Variants in SLC12A6 observed in about 807,000 individuals in gnomAD.
SLC12A6 encodes the protein solute carrier family 12 member 6, also known as K-Cl cotransporter 3.
In SLC12A6, 66 loss-of-function variants were observed where a neutral mutation model predicts 135.3. That is an observed-to-expected ratio of 0.49 (90% CI 0.40 to 0.60). The LOEUF is 0.60. Among genes scored for constraint, SLC12A6 ranks in the 20% least tolerant of loss-of-function variants. SLC12A6 has a pLI of 0.00. For synonymous variants in SLC12A6, 513 were observed against 508.8 expected, an observed-to-expected ratio of 1.01 and a Z score of -0.11; for missense variants, 1,058 against 1,452.3, an observed-to-expected ratio of 0.73 and a Z score of 4.41.
intron 1 of SLC12A6, 191 bp from the exon 2 acceptor site, chr15:34,336,943 T>C (rs1448378155): frequency 1.2e-5 from 6 of 503,510 alleles, no homozygotes; most frequent in Non-Finnish European, 2.1e-5. Flanking sequence ...ACAATGCCAA[T>C]CTTGTGTGAC....
intron 2 of SLC12A6, among the ~76,000 whole-genome samples, chr15:34,282,916 A>G (rs991135457): frequency 2.0e-5 from 3 of 152,226 alleles, no homozygotes; most frequent in Non-Finnish European, 4.4e-5. Context: ...ATAAAACTTC[A>G]TTCGTTCAAC....
Position 34,238,972 on chromosome 15 carries a change from A to G in SLC12A6, c.2625T>C (p.Thr875=). The change falls in exon 20 of 26, where the codon ACT becomes ACC. Residue 875 remains threonine, a synonymous_variant. Coordinates refer to ENST00000354181, the MANE Select transcript of SLC12A6 (RefSeq NM_001365088.1). ...ATGAGAAATGGTTAGTACCAATAAA[A>G]GTCTTCCAAGCGCGGGCATCTTCGC... ...RQSEDARAWK[T]FIGTVRVTTA... is the part of the protein sequence containing the mutation. The G allele has an allele frequency of 1.2e-6, 2 of 1,613,810 alleles. No individual in the cohort carries two copies. Among genetic ancestry groups the G allele is most frequent in the Non-Finnish European group, 1.7e-6 (2 of 1,179,668 alleles).
At chr15:34,279,311 C>T (rs1408148207) in intron 2 of SLC12A6, among the ~76,000 whole-genome samples, 1 of 151,116 alleles carries the variant, frequency 6.6e-6, no homozygotes, top group Non-Finnish European at 1.5e-5. Flanking sequence ...AAGACTCCGT[C>T]TCAAAAAAAC....
chr15:34,301,055 G>A (rs1227437984), intron 2 of SLC12A6, among the ~76,000 whole-genome samples: 1 of 151,848 alleles, frequency 6.6e-6, no homozygotes, highest in Non-Finnish European at 1.5e-5. Context: ...TGCAACCTCC[G>A]CCTCCCAGGT....
intron 2 of SLC12A6, among the ~76,000 whole-genome samples, chr15:34,311,070 T>C (rs1026231263): frequency 1.3e-5 from 2 of 152,194 alleles, no homozygotes; most frequent in African/African-American, 2.4e-5. Context: ...ACTTGTGAGT[T>C]ACTGTTTGGA....
chr15:34,260,778 A>C, intron 4 of SLC12A6, 148 bp downstream of exon 4: 1 of 610,436 alleles, frequency 1.6e-6, no homozygotes, highest in South Asian at 1.8e-5. Context: ...TACACAGACA[A>C]AATTTACTAT....
chr15:34,279,447 T>A (rs992706800), intron 2 of SLC12A6, among the ~76,000 whole-genome samples: 2 of 152,228 alleles, frequency 1.3e-5, no homozygotes, highest in African/African-American at 4.8e-5. Context: ...TTACAATTGT[T>A]CAGTGGATTT....
intron 2 of SLC12A6, among the ~76,000 whole-genome samples, chr15:34,289,507 G>A (rs1485984651): frequency 6.6e-6 from 1 of 152,174 alleles, no homozygotes; most frequent in South Asian, 2.1e-4. Context: ...ATGAGTTATG[G>A]AGGATTCCCT....
rs779846164 is a variant in SLC12A6 at position 34,250,363 on chromosome 15, A to G, written c.1592-8T>C. Reference sequence around the variant, plus strand: ...GGACAACATTGCTTAAATCTACCATATTGAGAGTCAAGGAAACTGTTGTTT... The same window carrying G: ...GGACAACATTGCTTAAATCTACCATGTTGAGAGTCAAGGAAACTGTTGTTT... On this transcript the variant is annotated splice_polypyrimidine_tract_variant and splice_region_variant and intron_variant, in intron 12 of 25. Transcript: ENST00000354181. The G allele has an allele frequency of 1.3e-6, 2 of 1,567,716 alleles. No individual in the cohort carries two copies. The highest frequency in any genetic ancestry group is 1.8e-6 in the Non-Finnish European group (2 of 1,137,490).
intron 2 of SLC12A6, among the ~76,000 whole-genome samples, chr15:34,276,533 G>A (rs1395625601): frequency 6.6e-6 from 1 of 152,146 alleles, no homozygotes; most frequent in Non-Finnish European, 1.5e-5. Context: ...AAAAGACTAA[G>A]CTCCACTTTC....
intron 3 of SLC12A6, among the ~76,000 whole-genome samples, chr15:34,262,018 T>C (rs796396733): frequency 3.3e-5 from 5 of 152,168 alleles, no homozygotes; most frequent in African/African-American, 1.2e-4. Context: ...CAAAGGAAAA[T>C]AAATCATTCT....
In SLC12A6 at chr15:34,254,554, A is replaced by G. The variant is rs928751694; in HGVS notation, c.912T>C (p.Ser304=). Residue 304 remains serine (S), a synonymous_variant, in exon 9 of 26, where the codon AGT becomes AGC. Transcript: ENST00000354181. ...CTGCTGATTCCTTGAGTGCGTCATC[A>G]CTGTGAAAGATGGCAGCTCGGGGGA... ...YIVPRAAIFH[S]DDALKESAAM... is the part of the protein sequence containing the mutation. 1.2e-6 allele frequency: 2 copies of G among 1,609,760 alleles called. No individual in the cohort carries two copies. The highest frequency in any genetic ancestry group is 1.7e-6 in the Non-Finnish European group (2 of 1,176,006).
intron 16 of SLC12A6, 85 bp downstream of exon 16, chr15:34,243,889 C>G (rs59209438): frequency 1.2e-6 from 1 of 852,610 alleles, no homozygotes; most frequent in Non-Finnish European, 2.0e-6. Context: ...AAAATTTTAT[C>G]GAGAACCCAG....
At chr15:34,318,756 T>C (rs1199652881) in intron 2 of SLC12A6, 3 of 1,602,250 alleles carry the variant, frequency 1.9e-6, no homozygotes, top group Non-Finnish European at 2.6e-6. Flanking sequence ...ACCTCTTCCT[T>C]GCTGTCGTTT....
chr15:34,267,339 T>G (rs1893598071), intron 3 of SLC12A6, among the ~76,000 whole-genome samples: 1 of 152,228 alleles, frequency 6.6e-6, no homozygotes. Flanking sequence ...TATTCACTAC[T>G]CTTTCTTACA....
At chr15:34,238,501 G>A in intron 20 of SLC12A6, 100 bp from the exon 21 acceptor site, 3 of 880,320 alleles carry the variant, frequency 3.4e-6, no homozygotes, top group Non-Finnish European at 5.5e-6. Flanking sequence ...ACTTCTTTGA[G>A]CAAGGGGTCC....
At chr15:34,269,354 TAAAC>T (rs1470342106) in intron 3 of SLC12A6, among the ~76,000 whole-genome samples, 1 of 152,202 alleles carries the variant, frequency 6.6e-6, no homozygotes, top group Non-Finnish European at 1.5e-5. Flanking sequence ...ACTCTTTATA[TAAAC>T]ACTTTACTGT....
intron 3 of SLC12A6, among the ~76,000 whole-genome samples, chr15:34,271,622 C>CACACACAA (rs960728450): frequency 6.6e-6 from 1 of 151,990 alleles, no homozygotes; most frequent in African/African-American, 2.4e-5. Context: ...CACACACACA[C>CACACACAA]ACACACAGAA....
intron 8 of SLC12A6, among the ~76,000 whole-genome samples, chr15:34,255,038 G>A (rs1892652923): frequency 6.6e-6 from 1 of 152,138 alleles, no homozygotes; most frequent in African/African-American, 2.4e-5. Context: ...TGAACCTCTT[G>A]GATGAGGTGG....
Sources: gnomAD v4.1 joint callset for allele counts (sites outside exome capture counted in the v4.1 genomes callset) on GRCh38, gnomAD v4.1.1 for gene constraint, MANE v1.5 for transcripts, NCBI Gene and HGNC (gene_info 2026-07-23, HGNC 2026-07-21) for gene names.